The following DMD variants were observed in gnomAD, a reference collection of about 807,000 sequenced individuals.
DMD encodes the protein mutant dystrophin.
In DMD, 63 loss-of-function variants were observed where a neutral mutation model predicts 330.1. That is an observed-to-expected ratio of 0.19 (90% CI 0.16 to 0.24). The LOEUF (loss-of-function observed/expected upper bound fraction) is 0.24, where lower values mean the gene tolerates loss of function less well. Ranked by LOEUF, DMD falls within the 10% of genes least tolerant of loss-of-function variation. The pLI, the probability that DMD is intolerant of heterozygous loss-of-function variation, is 1.00. For missense variants in DMD, 3,344 were observed against 2,684.1 expected (o/e 1.25, Z -5.43); for synonymous variants, 1,223 against 959.8 (o/e 1.27, Z -5.07).
intron 44 of DMD, among the ~76,000 whole-genome samples, chrX:32,151,842 A>T (rs2096805164): frequency 8.9e-6 from 1 of 111,950 alleles, no homozygotes; most frequent in African/African-American, 3.2e-5. Flanking sequence ...CCAGAAAGAA[A>T]ATGTCTTGAG....
At chrX:32,408,810 G>C (rs1421482428) in intron 30 of DMD, among the ~76,000 whole-genome samples, 2 of 111,147 alleles carry the variant, frequency 1.8e-5, no homozygotes, top group East Asian at 5.6e-4. Flanking sequence ...ACACATTTTT[G>C]TTAATACAAT....
chrX:31,754,142 AC>A (rs1257696744), intron 51 of DMD, among the ~76,000 whole-genome samples: 7 of 111,901 alleles, frequency 6.3e-5, no homozygotes, highest in African/African-American at 2.3e-4. Context: ...AAAATTTTAT[AC>A]TGAATTAATG....
chrX:32,338,125 G>A (rs2097724172), intron 41 of DMD, among the ~76,000 whole-genome samples: 1 of 111,139 alleles, frequency 9.0e-6, no homozygotes, highest in Non-Finnish European at 1.9e-5. Flanking sequence ...TTATTCAACT[G>A]TCTTCTAATA....
intron 9 of DMD, among the ~76,000 whole-genome samples, chrX:32,691,824 A>G (rs931777508): frequency 4.5e-5 from 5 of 111,619 alleles, no homozygotes; most frequent in African/African-American, 6.5e-5. Context: ...TACTATTAAT[A>G]TTCAAAAAGA....
rs766735219 is a variant in DMD at position 32,380,667 on chromosome X, T to C, written c.4688A>G (p.Lys1563Arg). 1 of 1,204,481 alleles carries C rather than the reference T, an allele frequency of 8.3e-7. No homozygotes were observed. Among genetic ancestry groups the C allele is most frequent in the South Asian group, 1.8e-5 (1 of 56,705 alleles). ...TTTCAAGCATTTCTCCAACTGTTGC[T>C]TTCTTTCTGTTACCTGAAAAGAATT... is the stretch of plus-strand genomic sequence containing the variant. ...NELGAKVTER[K>R]QQLEKCLKLS... The change falls in exon 34 of 79, where the codon AAG (lysine) becomes AGG (arginine). Residue 1563 changes from lysine to arginine, a missense_variant. Lys to Arg is a conservative substitution (Grantham distance 26). Transcript: ENST00000357033.
intron 4 of DMD, among the ~76,000 whole-genome samples, chrX:32,843,621 T>TAA (rs1278217119): frequency 1.8e-5 from 2 of 112,305 alleles, no homozygotes; most frequent in Admixed American, 1.9e-4. Flanking sequence ...AATCTATCCC[T>TAA]GCTTATGGTT....
At chrX:33,213,122 T>G (rs2051980093), upstream of DMD, among the ~76,000 whole-genome samples, 1 of 111,586 alleles carries the variant, frequency 9.0e-6, no homozygotes, top group Non-Finnish European at 1.9e-5. Flanking sequence ...ATTCTGGGGT[T>G]GGGACACAGC....
chrX:31,126,069 G>C (rs1376222304), intron 78 of DMD, among the ~76,000 whole-genome samples: 1 of 111,539 alleles, frequency 9.0e-6, no homozygotes, highest in East Asian at 2.8e-4. Context: ...CTACCTCACA[G>C]GTTTGTCATG....
At chrX:32,958,923 T>G (rs1323221525) in intron 2 of DMD, among the ~76,000 whole-genome samples, 1 of 110,177 alleles carries the variant, frequency 9.1e-6, no homozygotes, top group African/African-American at 3.3e-5. Context: ...AGCTTTAACA[T>G]GCAGAACTGC....
chrX:32,546,631 A>T (rs1336980208), intron 16 of DMD, among the ~76,000 whole-genome samples: 1 of 111,848 alleles, frequency 8.9e-6, no homozygotes, highest in African/African-American at 3.2e-5. Flanking sequence ...TGTTAAAGAC[A>T]TATCTTTACC....
intron 1 of DMD, among the ~76,000 whole-genome samples, chrX:33,124,010 C>CA (rs774331001): frequency 4.4e-4 from 47 of 106,673 alleles, no homozygotes; most frequent in African/African-American, 1.5e-3. Flanking sequence ...AATAAAAATA[C>CA]AAAAAAATTA....
intron 2 of DMD, among the ~76,000 whole-genome samples, chrX:32,957,402 C>A (rs1235096166): frequency 9.0e-6 from 1 of 111,449 alleles, no homozygotes; most frequent in Non-Finnish European, 1.9e-5. Context: ...TCTACATCTA[C>A]ATGGTGTATA....
At chrX:31,921,017 T>C (rs2094683125) in intron 47 of DMD, among the ~76,000 whole-genome samples, 1 of 111,977 alleles carries the variant, frequency 8.9e-6, no homozygotes, top group African/African-American at 3.2e-5. Context: ...TGAGGTTTCC[T>C]AATAGAAAAT....
chrX:32,800,742 C>G (rs1165950811), intron 7 of DMD, among the ~76,000 whole-genome samples: 1 of 110,220 alleles, frequency 9.1e-6, no homozygotes, highest in Non-Finnish European at 1.9e-5. Flanking sequence ...TGTGATGCTC[C>G]ACTGCATCCA....
chrX:33,234,787 A>T (rs1012392734), intron 1 of DMD, among the ~76,000 whole-genome samples: 2 of 111,434 alleles, frequency 1.8e-5, no homozygotes, highest in African/African-American at 6.5e-5. Flanking sequence ...TGCTTCTCAC[A>T]TTTACTCCTA....
chrX:32,486,792 A>G (rs2042525046), intron 20 of DMD, among the ~76,000 whole-genome samples: 1 of 106,248 alleles, frequency 9.4e-6, no homozygotes, highest in South Asian at 4.3e-4. Context: ...AAAACTGGCT[A>G]GCCATATGTA....
chrX:32,816,754 T>A, intron 5 of DMD, 114 bp from the exon 6 acceptor site: 1 of 688,367 alleles, frequency 1.5e-6, no homozygotes, highest in Non-Finnish European at 2.3e-6. Flanking sequence ...TAGGGCCAAT[T>A]AGTAATGAGA....
intron 64 of DMD, among the ~76,000 whole-genome samples, chrX:31,211,566 A>G (rs2044677542): frequency 8.9e-6 from 1 of 112,627 alleles, no homozygotes; most frequent in Non-Finnish European, 1.9e-5. Flanking sequence ...TCACTTTTGT[A>G]TTAAGAGTCT....
intron 51 of DMD, among the ~76,000 whole-genome samples, chrX:31,773,503 T>C (rs1284369883): frequency 9.0e-6 from 1 of 111,667 alleles, no homozygotes; most frequent in African/African-American, 3.2e-5. Flanking sequence ...TCCTTATCAT[T>C]GGAGAAGGCA....
Sources: gnomAD v4.1 joint callset for allele counts (sites outside exome capture counted in the v4.1 genomes callset) on GRCh38, gnomAD v4.1.1 for gene constraint, MANE v1.5 for transcripts, NCBI Gene and HGNC (gene_info 2026-07-23, HGNC 2026-07-21) for gene names.